Variants in INTS2 observed in about 807,000 individuals in gnomAD.
The protein encoded by INTS2 is KIAA1287.
INTS2 carries 57 observed loss-of-function variants against 139.6 expected under a neutral mutation model. That is an observed-to-expected ratio of 0.41 (90% CI 0.33 to 0.51). The LOEUF (loss-of-function observed/expected upper bound fraction) is 0.51. INTS2 is among the 20% of genes least tolerant of loss of function. The pLI, the probability that INTS2 is intolerant of heterozygous loss-of-function variation, is 0.28. For missense variants in INTS2, 1,196 were observed against 1,436.7 expected (o/e 0.83, Z 2.71); for synonymous variants, 473 against 493.4 (o/e 0.96, Z 0.55).
chr17:61,902,858 TA>T (rs1049738346), intron 9 of INTS2, among the ~76,000 whole-genome samples: 20,608 of 98,086 alleles, frequency 0.21, 2,782 homozygotes, highest in African/African-American at 0.45. Flanking sequence ...TGAAAGAGCT[TA>T]AAAAAAAAAA....
At chr17:61,915,241 G>C (rs1032673114) in intron 5 of INTS2, among the ~76,000 whole-genome samples, 25 of 151,976 alleles carry the variant, frequency 1.6e-4, no homozygotes, top group Admixed American at 8.5e-4. Context: ...GGGAGGCTGA[G>C]ACAGGAGAAT....
chr17:61,881,323 G>A (rs1050824335), intron 16 of INTS2, among the ~76,000 whole-genome samples, 152 bp from the exon 17 acceptor site: 1 of 152,124 alleles, frequency 6.6e-6, no homozygotes, highest in Non-Finnish European at 1.5e-5. Context: ...ATGGCCGGGC[G>A]CGGTGGCTCA....
chr17:61,920,307 G>A (rs1000932723), intron 4 of INTS2, among the ~76,000 whole-genome samples: 11 of 148,788 alleles, frequency 7.4e-5, no homozygotes, highest in Non-Finnish European at 1.5e-4. Context: ...TCAGCCGCCC[G>A]AATACCTGGG....
In INTS2 at chr17:61,927,728, G is replaced by C. The variant is rs1027750507; in HGVS notation, c.-93C>G. ...CTAGAGGCGGGACGCGGCAGAAATC[G>C]AGAGCGCGGTCCGATGTTGGGCCTA... On this transcript the variant is annotated 5_prime_UTR_variant, in exon 1 of 25. Coordinates refer to ENST00000251334, the MANE Select transcript of INTS2 (RefSeq NM_001351695.2). The C allele has an allele frequency of 3.4e-6, 5 of 1,459,586 alleles. No individual in the cohort carries two copies. Among genetic ancestry groups the C allele is most frequent in the African/African-American group, 2.8e-5 (2 of 70,420 alleles). The allele number at this position is 1,459,586 out of a possible 1,614,324, so 90.4% of individuals were successfully genotyped here. A position where few individuals can be genotyped will look rare whatever the true frequency, so the allele number is the denominator to read the frequency against.
intron 15 of INTS2, 43 bp downstream of exon 15, chr17:61,889,743 A>G: frequency 1.0e-6 from 1 of 952,404 alleles, no homozygotes; most frequent in Non-Finnish European, 1.6e-6. Context: ...ACAAGCTAAT[A>G]AAATAAACTA....
At chr17:61,892,271 A>C (rs1056256654) in intron 13 of INTS2, among the ~76,000 whole-genome samples, 10 of 152,230 alleles carry the variant, frequency 6.6e-5, no homozygotes, top group African/African-American at 2.4e-4. Flanking sequence ...GCAACAATTA[A>C]AAAGTGATAT....
intron 19 of INTS2, chr17:61,874,024 C>T (rs2079108787): frequency 2.0e-5 from 3 of 152,196 alleles, no homozygotes; most frequent in Admixed American, 2.0e-4. Context: ...TCCCTGACCC[C>T]CATCTTTATA....
At position 61,873,084 on chromosome 17, in the gene INTS2, T is replaced by A. The variant is rs947552574; in HGVS notation, c.2583-624A>T. On this transcript the variant is annotated intron_variant, in intron 19 of 24. Coordinates refer to ENST00000251334, the MANE Select transcript of INTS2 (RefSeq NM_001351695.2). The surrounding 1 kb of genome is among the most constrained non-coding windows in gnomAD (Gnocchi z 4.0). Reference sequence around the variant, plus strand: ...CACTTTTGCCCCAATAATTCCATTTTCCCATGTTCTAATGAAATACTCAGC... The same window carrying A: ...CACTTTTGCCCCAATAATTCCATTTACCCATGTTCTAATGAAATACTCAGC... Among the ~76,000 whole-genome samples, 1 of 152,188 alleles carries A rather than the reference T, an allele frequency of 6.6e-6. No individual in the cohort carries two copies. Among genetic ancestry groups the A allele is most frequent in the Non-Finnish European group, 1.5e-5 (1 of 68,040 alleles).
chr17:61,891,466 A>G, intron 14 of INTS2, 47 bp downstream of exon 14: 2 of 1,406,176 alleles, frequency 1.4e-6, no homozygotes, highest in Non-Finnish European at 2.0e-6. Context: ...AGTAAGAAGA[A>G]CTAAAAGAAA....
At chr17:61,914,669 T>C (rs1036686369) in intron 5 of INTS2, among the ~76,000 whole-genome samples, 83 of 147,300 alleles carry the variant, frequency 5.6e-4, no homozygotes, top group Admixed American at 1.1e-3. Flanking sequence ...CGCCACTGCA[T>C]TCCAGCCTGG....
chr17:61,927,926 A>C lies in INTS2; in HGVS notation c.-291T>G, dbSNP rs1460898707. The C allele has an allele frequency of 1.2e-5, 19 of 1,613,768 alleles. No individual in the cohort carries two copies. The highest frequency in any genetic ancestry group is 1.5e-5 in the Non-Finnish European group (18 of 1,179,872). ...AAAGCGGGAGACTTTTTCAACCTGCACCCAGCACCTTCATTCATCCCCAGC... is the reference window on the plus strand; with the variant it reads ...AAAGCGGGAGACTTTTTCAACCTGCCCCCAGCACCTTCATTCATCCCCAGC... On this transcript the variant is annotated 5_prime_UTR_variant, in exon 1 of 25. Transcript: ENST00000251334.
intron 3 of INTS2, among the ~76,000 whole-genome samples, chr17:61,922,491 G>A (rs1281092465): frequency 4.0e-3 from 240 of 60,478 alleles, no homozygotes; most frequent in Non-Finnish European, 5.4e-3. Flanking sequence ...AAAAGAAAAA[G>A]AAAAAAGAAA....
rs1373772482 is a variant in INTS2, at chr17:61,868,058, A to G, written c.3245-49T>C. On this transcript the variant is annotated intron_variant, in intron 23 of 24. Coordinates refer to ENST00000251334, the MANE Select transcript of INTS2 (RefSeq NM_001351695.2). This position sits in a 1 kb window ranked among gnomAD's most constrained non-coding sequence, Gnocchi z 4.7. ...ATTTTAGTTTACAAATATAAATTCA[A>G]CACAGCTTACACAACATACTAAGGG... is the stretch of plus-strand genomic sequence containing the variant. 13 of 1,382,928 alleles carry G rather than the reference A, an allele frequency of 9.4e-6. No homozygotes were observed. The highest frequency in any genetic ancestry group is 1.3e-5 in the Non-Finnish European group (13 of 1,028,428). 85.7% of individuals were successfully genotyped at this position (1,382,928 alleles called of 1,614,324 possible).
intron 17 of INTS2, among the ~76,000 whole-genome samples, chr17:61,878,790 T>C (rs2079148261): frequency 6.6e-6 from 1 of 151,136 alleles, no homozygotes; most frequent in Non-Finnish European, 1.5e-5. Flanking sequence ...AAAAGTAAAA[T>C]AATTAGCTGG....
intron 7 of INTS2, chr17:61,911,139 G>C (rs1181540201): frequency 4.1e-6 from 1 of 244,636 alleles, no homozygotes; most frequent in Non-Finnish European, 7.7e-6. Context: ...CTAAAGTACA[G>C]TCGCTATTCA....
In INTS2 at chr17:61,891,525, T is replaced by C. The variant is rs2079293580; in HGVS notation, c.1863A>G (p.Gln621=). ...ACCACTATTTTACCCCAATGACTCC[T>C]TGGAAAATATTGAGTATCTCCTGTT... ...VTEQEILNIF[Q]GVIGGDNIRL... is the part of the protein sequence containing the mutation. The change falls in exon 14 of 25, where the codon CAA becomes CAG. Residue 621 remains glutamine (Q), a synonymous_variant. Coordinates refer to ENST00000251334, the MANE Select transcript of INTS2 (RefSeq NM_001351695.2). 1 of 1,612,980 alleles carries C rather than the reference T, an allele frequency of 6.2e-7. No homozygotes were observed. The highest frequency in any genetic ancestry group is 8.5e-7 in the Non-Finnish European group (1 of 1,179,394).
chr17:61,888,343 G>C (rs890679448), intron 15 of INTS2, among the ~76,000 whole-genome samples: 1 of 152,164 alleles, frequency 6.6e-6, no homozygotes, highest in African/African-American at 2.4e-5. Flanking sequence ...ACTCCAGCCT[G>C]GGTGACAGAG....
In INTS2 at chr17:61,897,790, T is replaced by C. The variant is rs2079364574; in HGVS notation, c.1308-51A>G. On this transcript the variant is annotated intron_variant, in intron 9 of 24. Coordinates refer to ENST00000251334, the MANE Select transcript of INTS2 (RefSeq NM_001351695.2). This position sits in a 1 kb window ranked among gnomAD's most constrained non-coding sequence, Gnocchi z 4.4. ...CTGGTTTAAATTAGATATACTAGCA[T>C]ATGAATAAAAAGCATTCTGAAGTTA... The C allele has an allele frequency of 2.5e-6, 3 of 1,209,980 alleles. No homozygotes were observed. Among genetic ancestry groups the C allele is most frequent in the Non-Finnish European group, 3.6e-6 (3 of 844,668 alleles). The allele number at this position is 1,209,980 out of a possible 1,614,324, so 75.0% of individuals were successfully genotyped here. A position where few individuals can be genotyped will look rare whatever the true frequency, so the allele number is the denominator to read the frequency against.
Position 61,919,464 on chromosome 17 carries a change from A to G in INTS2, c.585T>C (p.His195=). 7 of 1,603,256 alleles carry G rather than the reference A, an allele frequency of 4.4e-6. No individual in the cohort carries two copies. Among genetic ancestry groups the G allele is most frequent in the Non-Finnish European group, 6.0e-6 (7 of 1,174,428 alleles). ...ACAAGAACCAGGCACCATTTCTAACATGTAGCAAAGCTTCAGCTACATCAA... is the reference window on the plus strand; with the variant it reads ...ACAAGAACCAGGCACCATTTCTAACGTGTAGCAAAGCTTCAGCTACATCAA... ...PIVDVAEALL[H]VRNGAWFLCL... Residue 195 remains histidine, a synonymous_variant, in exon 5 of 25, where the codon CAT becomes CAC. Transcript: ENST00000251334.
Sources: allele counts gnomAD v4.1 joint callset (sites outside exome capture counted in the v4.1 genomes callset), GRCh38; gene constraint gnomAD v4.1.1; non-coding constraint Gnocchi (gnomAD v3.1); transcripts MANE v1.5; gene names NCBI Gene and HGNC (gene_info 2026-07-23, HGNC 2026-07-21).